The following MYO1E variants were observed in gnomAD, a reference collection of about 807,000 sequenced individuals.
MYO1E encodes unconventional myosin-Ie.
Under a neutral mutation model 151.1 loss-of-function variants are expected in MYO1E, and 68 were observed. That is an observed-to-expected ratio of 0.45 (90% confidence interval 0.37 to 0.55). The LOEUF (loss-of-function observed/expected upper bound fraction) is 0.55. Among genes scored for constraint, MYO1E ranks in the 20% least tolerant of loss-of-function variants. The probability of loss-of-function intolerance (pLI) is 0.00; values close to 1 mark genes in which losing one functional copy is unlikely to be tolerated. For synonymous variants in MYO1E, 601 were observed against 501.7 expected, an observed-to-expected ratio of 1.20 and a Z score of -2.64; for missense variants, 1,363 against 1,389.3, an observed-to-expected ratio of 0.98 and a Z score of 0.30.
intron 26 of MYO1E, among the ~76,000 whole-genome samples, chr15:59,142,384 G>A (rs1459973267): frequency 6.6e-6 from 1 of 152,124 alleles, no homozygotes; most frequent in Non-Finnish European, 1.5e-5. Flanking sequence ...CGCCAGGGTC[G>A]GGGTAAGACC....
intron 1 of MYO1E, among the ~76,000 whole-genome samples, chr15:59,367,592 C>T (rs551307340): frequency 1.4e-4 from 21 of 152,272 alleles, no homozygotes; most frequent in Non-Finnish European, 2.9e-4. Context: ...GCTGAAAATA[C>T]CAGGCTATTC....
At chr15:59,203,200 G>A (rs1177902639) in intron 15 of MYO1E, among the ~76,000 whole-genome samples, 2 of 152,152 alleles carry the variant, frequency 1.3e-5, no homozygotes, top group East Asian at 1.9e-4. Flanking sequence ...GTTGGGGGCC[G>A]AGGAGGGCGC....
At chr15:59,239,068 T>A (rs1270189141) in intron 4 of MYO1E, among the ~76,000 whole-genome samples, 1 of 151,092 alleles carries the variant, frequency 6.6e-6, no homozygotes, top group Non-Finnish European at 1.5e-5. Context: ...TAGCTGGGCG[T>A]GATGGCAGGT....
At chr15:59,191,113 C>T (rs1292584610) in intron 17 of MYO1E, among the ~76,000 whole-genome samples, 1 of 152,066 alleles carries the variant, frequency 6.6e-6, no homozygotes, top group Non-Finnish European at 1.5e-5. Flanking sequence ...AGCCAAGAGC[C>T]AGAAATGTTG....
intron 1 of MYO1E, among the ~76,000 whole-genome samples, chr15:59,368,622 T>C (rs1414330390): frequency 1.3e-5 from 2 of 152,136 alleles, no homozygotes; most frequent in Admixed American, 6.5e-5. Flanking sequence ...GGCAGGCACC[T>C]GTAATCCCAG....
rs546228210 is a variant in MYO1E, at chr15:59,188,713, A to G, written c.1806-497T>C. 3.6e-3 allele frequency among the ~76,000 whole-genome samples: 543 copies of G among 152,032 alleles called. 8 individuals are homozygous for G. Among genetic ancestry groups the G allele is most frequent in the African/African-American group, 1.0e-2 (414 of 41,472 alleles). ...TCCGTCTCAGAAATAAAATAAATAT[A>G]AATAAATAAATAAATAAAAATACAG... On this transcript the variant is annotated intron_variant, in intron 17 of 27. Coordinates refer to ENST00000288235, the MANE Select transcript of MYO1E (RefSeq NM_004998.4).
In MYO1E at chr15:59,202,204, C is replaced by G. The variant is rs2079806356; in HGVS notation, c.1698+122G>C. On this transcript the variant is annotated intron_variant, in intron 16 of 27. Transcript: ENST00000288235. Reference sequence around the variant, plus strand: ...AACAAGCAGCGATGTTACTTCTGGGCATCTTCTGTAACCACCTCCTCACGT... The same window carrying G: ...AACAAGCAGCGATGTTACTTCTGGGGATCTTCTGTAACCACCTCCTCACGT... 1.6e-5 allele frequency: 13 copies of G among 813,242 alleles called. No individual in the cohort carries two copies. In the Admixed American group the frequency reaches 2.6e-4, roughly 16 times the overall value. 50.4% of individuals were successfully genotyped at this position (813,242 alleles called of 1,614,324 possible).
intron 1 of MYO1E, among the ~76,000 whole-genome samples, chr15:59,361,300 T>G (rs1263602911): frequency 2.0e-5 from 3 of 152,198 alleles, no homozygotes; most frequent in Admixed American, 6.5e-5. Flanking sequence ...ATTATTTAAG[T>G]TACTGAGTTT....
chr15:59,301,986 C>G (rs992727391), intron 1 of MYO1E, among the ~76,000 whole-genome samples: 1 of 152,116 alleles, frequency 6.6e-6, no homozygotes, highest in Non-Finnish European at 1.5e-5. Context: ...TGCCCTCAAA[C>G]CCATTTTCAA....
At chr15:59,361,121 C>T (rs2080882634) in intron 1 of MYO1E, among the ~76,000 whole-genome samples, 2 of 152,136 alleles carry the variant, frequency 1.3e-5, no homozygotes, top group African/African-American at 4.8e-5. Context: ...ATGGCCAAGC[C>T]ATCCCATGGC....
At chr15:59,239,227 T>A (rs867250321) in intron 4 of MYO1E, among the ~76,000 whole-genome samples, 1,444 of 137,346 alleles carry the variant, frequency 0.011, 17 homozygotes, top group African/African-American at 0.023. Context: ...TATATATATT[T>A]TTTTTATTTT....
At chr15:59,221,129 T>A (rs990127430) in intron 9 of MYO1E, among the ~76,000 whole-genome samples, 3 of 150,874 alleles carry the variant, frequency 2.0e-5, no homozygotes, top group African/African-American at 7.3e-5. Flanking sequence ...TGCCTCAGCC[T>A]CCAGAGTAGC....
chr15:59,151,033 A>G (rs756474462), intron 26 of MYO1E, among the ~76,000 whole-genome samples: 1 of 130,546 alleles, frequency 7.7e-6, no homozygotes, highest in African/African-American at 3.6e-5. Context: ...ACACACACAC[A>G]CACACACACA....
At chr15:59,311,568 A>C (rs1218023244) in intron 1 of MYO1E, among the ~76,000 whole-genome samples, 1 of 152,138 alleles carries the variant, frequency 6.6e-6, no homozygotes, top group African/African-American at 2.4e-5. Context: ...TTGGGCACAG[A>C]AATCACATGA....
Position 59,207,370 on chromosome 15 carries a change from A to G in MYO1E, c.1530+1311T>C, listed in dbSNP as rs764005551. ...AGCAAACTCCAACCTAGTGATTATCACAGCAGGTGCACGCCAAGAAAAGGG... is the reference window on the plus strand; with the variant it reads ...AGCAAACTCCAACCTAGTGATTATCGCAGCAGGTGCACGCCAAGAAAAGGG... On this transcript the variant is annotated intron_variant, in intron 14 of 27. Transcript: ENST00000288235. 4.3e-6 allele frequency: 7 copies of G among 1,613,934 alleles called. No homozygotes were observed. The African/African-American group carries it at 8.0e-5, about 18-fold the overall frequency.
chr15:59,138,415 C>T (rs1459130836), intron 26 of MYO1E, 48 bp from the exon 27 acceptor site: 3 of 1,601,692 alleles, frequency 1.9e-6, no homozygotes, highest in Non-Finnish European at 2.6e-6. Context: ...CAGGGGGCAG[C>T]AGCACCGAAC....
At chr15:59,270,447 G>A (rs571882012) in intron 2 of MYO1E, among the ~76,000 whole-genome samples, 4 of 151,554 alleles carry the variant, frequency 2.6e-5, no homozygotes, top group South Asian at 4.2e-4. Flanking sequence ...GGAGGCTGAG[G>A]TGGGAAGATC....
chr15:59,191,089 G>T (rs578109138), intron 17 of MYO1E, among the ~76,000 whole-genome samples: 19 of 152,238 alleles, frequency 1.2e-4, no homozygotes, highest in African/African-American at 4.3e-4. Context: ...TCTCCAGTTT[G>T]ATGGGTCTTA....
intron 1 of MYO1E, among the ~76,000 whole-genome samples, chr15:59,337,737 C>T (rs575275183): frequency 6.6e-6 from 1 of 152,246 alleles, no homozygotes; most frequent in East Asian, 1.9e-4. Flanking sequence ...GAGGCTGAGG[C>T]AGGAGAATCG....
Sources: gnomAD v4.1 joint callset for allele counts (sites outside exome capture counted in the v4.1 genomes callset) on GRCh38, gnomAD v4.1.1 for gene constraint, MANE v1.5 for transcripts, NCBI Gene and HGNC (gene_info 2026-07-23, HGNC 2026-07-21) for gene names.